ABCA13: variants seen among roughly 807,000 people sequenced by gnomAD.
ABCA13 encodes ATP binding cassette subfamily A member 13.
In ABCA13, 476 loss-of-function variants were observed where a neutral mutation model predicts 478.7. That is an observed-to-expected ratio of 0.99 (90% CI 0.92 to 1.07). The LOEUF (loss-of-function observed/expected upper bound fraction) is 1.07. Among genes scored for constraint, ABCA13 ranks in the 50% least tolerant of loss-of-function variants. The pLI, the probability that ABCA13 is intolerant of heterozygous loss-of-function variation, is 0.00. For synonymous variants in ABCA13, 2,252 were observed against 2,158.9 expected, an observed-to-expected ratio of 1.04 and a Z score of -1.20; for missense variants, 6,060 against 5,910.6, an observed-to-expected ratio of 1.03 and a Z score of -0.83.
Position 48,273,487 on chromosome 7 carries a change from A to G in ABCA13, c.3821A>G (p.Glu1274Gly), listed in dbSNP as rs190498052. The stretch of plus-strand genomic sequence containing the variant: ...CAGTTGAAGACATTTCCATTCAACG[A>G]AAGTACAAGCAGAGAGTTTTTAAAT... The part of the protein sequence containing the change: ...LHQLKTFPFN[E>G]STSREFLNSL... The change falls in exon 17 of 62, where the codon GAA becomes GGA. Residue 1274 changes from glutamate to glycine, a missense_variant. By Grantham distance (98) the Glu-to-Gly change is moderately conservative. Around this residue, in one of 3 missense-constraint regions of ABCA13, gnomAD observed 4,423 missense variants for 4,309.1 expected, o/e 1.03. Transcript: ENST00000435803. The G allele has an allele frequency of 2.2e-4, 353 of 1,604,666 alleles. 2 individuals are homozygous for G. The highest frequency in any genetic ancestry group is 4.0e-4 in the East Asian group (18 of 44,696).
intron 58 of ABCA13, 66 bp downstream of exon 58, chr7:48,594,879 T>C: frequency 6.0e-6 from 8 of 1,324,468 alleles, no homozygotes; most frequent in Non-Finnish European, 8.7e-6. Flanking sequence ...AAGAAGTGCA[T>C]TTAGGTACCT....
intron 25 of ABCA13, 79 bp from the exon 26 acceptor site, chr7:48,314,153 G>T: frequency 6.9e-7 from 1 of 1,439,342 alleles, no homozygotes; most frequent in South Asian, 1.3e-5. Context: ...GTGGAGGAAG[G>T]AACTAGACTT....
At chr7:48,458,454 A>G (rs1975193) in intron 43 of ABCA13, among the ~76,000 whole-genome samples, 146,283 of 152,294 alleles carry the variant, frequency 0.96, 70,301 homozygotes, top group East Asian at 1. Flanking sequence ...CTGTTGATAG[A>G]TGCATAATTC....
rs563417975 is a variant in ABCA13 at position 48,442,653 on chromosome 7, A to C, written c.12566-12384A>C. ...TTCCTGAGAAATTTAGTGATCTCACAACTGAATGATGACCTGGAGAGTTTG... is the reference window on the plus strand; with the variant it reads ...TTCCTGAGAAATTTAGTGATCTCACCACTGAATGATGACCTGGAGAGTTTG... On this transcript the variant is annotated intron_variant, in intron 42 of 61. Coordinates refer to ENST00000435803, the MANE Select transcript of ABCA13 (RefSeq NM_152701.5). Among the ~76,000 whole-genome samples the C allele has an allele frequency of 5.3e-5, 8 of 152,340 alleles. No individual in the cohort carries two copies. In the East Asian group the frequency reaches 1.4e-3, roughly 26 times the overall value.
Position 48,467,011 on chromosome 7 carries a change from C to A in ABCA13, c.12871C>A (p.Gln4291Lys). Residue 4291 changes from glutamine to lysine, a missense_variant, in exon 44 of 62, where the codon CAA becomes AAA. Gln to Lys is a moderately conservative substitution (Grantham distance 53). Transcript: ENST00000435803. ...TRVLLRKFRD[Q>K]DLPCADLNPR... ...TGTGCTTCTGCGGAAGTTTAGAGAT[C>A]AAGATTTGCCCTGTGCAGATTTAAA... The A allele has an allele frequency of 6.2e-7, 1 of 1,613,956 alleles. No individual in the cohort carries two copies. Among genetic ancestry groups the A allele is most frequent in the Admixed American group, 1.7e-5 (1 of 60,020 alleles).
intron 55 of ABCA13, among the ~76,000 whole-genome samples, chr7:48,532,137 G>A (rs1287717327): frequency 6.6e-6 from 1 of 152,036 alleles, no homozygotes; most frequent in Non-Finnish European, 1.5e-5. Flanking sequence ...CTATGGGTTT[G>A]TCATAGATGG....
chr7:48,505,123 G>C (rs371641246), intron 48 of ABCA13, among the ~76,000 whole-genome samples: 5 of 152,098 alleles, frequency 3.3e-5, no homozygotes, highest in African/African-American at 9.7e-5. Context: ...ATTTATTCTG[G>C]AAAACTGTAC....
intron 44 of ABCA13, 94 bp downstream of exon 44, chr7:48,467,139 T>C: frequency 8.3e-7 from 1 of 1,204,962 alleles, no homozygotes; most frequent in Non-Finnish European, 1.2e-6. Flanking sequence ...GGTTATTTCA[T>C]GTCACAAGTT....
chr7:48,515,805 C>T (rs977223325), intron 51 of ABCA13, among the ~76,000 whole-genome samples: 3 of 152,122 alleles, frequency 2.0e-5, no homozygotes, highest in African/African-American at 4.8e-5. Context: ...TTACGTAGCT[C>T]TGCAGCTTTT....
intron 55 of ABCA13, among the ~76,000 whole-genome samples, chr7:48,539,183 C>T (rs557451601): frequency 3.3e-4 from 50 of 152,138 alleles, no homozygotes; most frequent in African/African-American, 9.2e-4. Context: ...AGTTTGAGAC[C>T]GGTCTGGGAA....
chr7:48,616,423 C>T (rs1792575065), intron 59 of ABCA13, among the ~76,000 whole-genome samples: 1 of 152,146 alleles, frequency 6.6e-6, no homozygotes, highest in South Asian at 2.1e-4. Flanking sequence ...TCATGGTCTC[C>T]AACCTTTATG....
At chr7:48,244,824 A>G (rs1229728905) in intron 11 of ABCA13, 121 bp downstream of exon 11, 2 of 1,245,694 alleles carry the variant, frequency 1.6e-6, no homozygotes, top group Non-Finnish European at 2.2e-6. Flanking sequence ...TGCTGGTGTC[A>G]TATGCATATT....
At chr7:48,341,574 G>A (rs185885370) in intron 29 of ABCA13, among the ~76,000 whole-genome samples, 3 of 151,636 alleles carry the variant, frequency 2.0e-5, no homozygotes, top group Admixed American at 2.0e-4. Flanking sequence ...CAATAATTTT[G>A]CATCTCTTCT....
chr7:48,342,818 A>G (rs568490552), intron 29 of ABCA13, among the ~76,000 whole-genome samples: 28 of 152,204 alleles, frequency 1.8e-4, no homozygotes, highest in Non-Finnish European at 3.5e-4. Context: ...TAGTTTTTTA[A>G]TCGACAAATT....
At chr7:48,341,902 GATATATATATACTC>G (rs549169856) in intron 29 of ABCA13, among the ~76,000 whole-genome samples, 1,316 of 70,178 alleles carry the variant, frequency 0.019, 40 homozygotes, top group South Asian at 0.082. Flanking sequence ...ATATCTTTCT[GATATATATATACTC>G]ATATATATAT....
intron 39 of ABCA13, among the ~76,000 whole-genome samples, chr7:48,410,018 C>T (rs990042723): frequency 2.1e-5 from 3 of 143,950 alleles, no homozygotes; most frequent in Admixed American, 7.4e-5. Context: ...CGCTTGAACC[C>T]GGGAGGTGGA....
intron 41 of ABCA13, among the ~76,000 whole-genome samples, chr7:48,418,458 T>C (rs764470449): frequency 6.6e-6 from 1 of 152,244 alleles, no homozygotes; most frequent in Admixed American, 6.5e-5. Context: ...CAACTTTTCA[T>C]ATTCTTATTT....
intron 27 of ABCA13, among the ~76,000 whole-genome samples, chr7:48,330,065 CCA>C (rs1563063108): frequency 1.4e-5 from 2 of 147,200 alleles, no homozygotes; most frequent in Admixed American, 6.7e-5. Context: ...ATCCATCCAT[CCA>C]TCCATCCATT....
chr7:48,582,391 G>A lies in ABCA13; in HGVS notation c.14505+2017G>A, dbSNP rs1021996157. 9.9e-5 allele frequency among the ~76,000 whole-genome samples: 15 copies of A among 152,232 alleles called. No homozygotes were observed. The South Asian group carries it at 1.0e-3, about 11-fold the overall frequency. On this transcript the variant is annotated intron_variant, in intron 56 of 61. Coordinates refer to ENST00000435803, the MANE Select transcript of ABCA13 (RefSeq NM_152701.5). Reference sequence around the variant, plus strand: ...TTAGTGCATGACTTCTCTAACATGGGGCTCCTCCTGCTGCCTGGCTTTCCA... The same window carrying A: ...TTAGTGCATGACTTCTCTAACATGGAGCTCCTCCTGCTGCCTGGCTTTCCA...
Sources: gnomAD v4.1 joint callset for allele counts (sites outside exome capture counted in the v4.1 genomes callset) on GRCh38, gnomAD v4.1.1 for gene constraint, gnomAD v4.1.1 regional missense constraint, MANE v1.5 for transcripts, NCBI Gene and HGNC (gene_info 2026-07-23, HGNC 2026-07-21) for gene names.